ZNF804B: variants seen among roughly 807,000 people sequenced by gnomAD.
The protein encoded by ZNF804B is zinc finger protein 804B, also known as zinc finger 804B.
ZNF804B carries 80 observed loss-of-function variants against 101.4 expected under a neutral mutation model. The observed-to-expected ratio is 0.79, with a 90% CI of 0.66 to 0.95. The LOEUF is 0.95. ZNF804B is among the 40% of genes least tolerant of loss of function. The probability of loss-of-function intolerance (pLI) is 0.00; values close to 1 mark genes in which losing one functional copy is unlikely to be tolerated. For synonymous variants in ZNF804B, 622 were observed against 558.8 expected (o/e 1.11, Z -1.59); for missense variants, 1,673 against 1,561.9 (o/e 1.07, Z -1.20).
At chr7:88,766,793 C>A (rs575840863) in intron 1 of ZNF804B, among the ~76,000 whole-genome samples, 1 of 152,188 alleles carries the variant, frequency 6.6e-6, no homozygotes, top group South Asian at 2.1e-4. Context: ...ATTGAATGTC[C>A]AAATTAAGGA....
At chr7:88,918,512 T>G (rs561630614) in intron 1 of ZNF804B, among the ~76,000 whole-genome samples, 2 of 152,274 alleles carry the variant, frequency 1.3e-5, no homozygotes, top group East Asian at 3.9e-4. Context: ...TTTTAAACAT[T>G]TGTAGAAAAT....
intron 1 of ZNF804B, among the ~76,000 whole-genome samples, chr7:88,997,212 G>A (rs1305995477): frequency 6.6e-6 from 1 of 152,042 alleles, no homozygotes; most frequent in African/African-American, 2.4e-5. Context: ...CAGTCATTAA[G>A]TTAACATCTT....
At position 89,338,086 on chromosome 7, in the gene ZNF804B, A is replaced by C. The variant is rs1447190410; in HGVS notation, c.*1054A>C. ...TGCAAATAATTTCAAACATTCATTC[A>C]AAATGGTTTTTGGCCGCCAAAATTT... On this transcript the variant is annotated 3_prime_UTR_variant, in exon 4 of 4. Transcript: ENST00000333190. Among the ~76,000 whole-genome samples the C allele has an allele frequency of 1.3e-5, 2 of 152,134 alleles. No homozygotes were observed. The highest frequency in any genetic ancestry group is 2.4e-5 in the African/African-American group (1 of 41,466).
intron 1 of ZNF804B, among the ~76,000 whole-genome samples, chr7:88,874,798 A>G (rs34054603): frequency 0.24 from 36,818 of 151,318 alleles, 5,008 homozygotes; most frequent in East Asian, 0.43. Flanking sequence ...TCAGCTCTGC[A>G]CCAAGCGGAC....
chr7:89,282,252 G>T (rs1208874), intron 2 of ZNF804B, among the ~76,000 whole-genome samples: 36,421 of 149,828 alleles, frequency 0.24, 4,676 homozygotes, highest in Non-Finnish European at 0.27. Context: ...CACAAATCTG[G>T]TTACTGCTTT....
At chr7:88,922,837 AATG>A (rs1428624720) in intron 1 of ZNF804B, among the ~76,000 whole-genome samples, 1 of 152,030 alleles carries the variant, frequency 6.6e-6, no homozygotes, top group Non-Finnish European at 1.5e-5. Flanking sequence ...TTTTTAGTAT[AATG>A]ATTTCAATAT....
chr7:89,075,939 G>T (rs73391238), intron 1 of ZNF804B, among the ~76,000 whole-genome samples: 3,356 of 152,292 alleles, frequency 0.022, 150 homozygotes, highest in African/African-American at 0.076. Flanking sequence ...AGATTTGCAT[G>T]GGGCCTGTAG....
intron 1 of ZNF804B, among the ~76,000 whole-genome samples, chr7:89,184,418 C>G (rs1788343015): frequency 6.6e-6 from 1 of 152,080 alleles, no homozygotes; most frequent in Admixed American, 6.6e-5. Flanking sequence ...TCCCCTCAGC[C>G]TTCTCTTAGA....
intron 1 of ZNF804B, among the ~76,000 whole-genome samples, chr7:89,014,474 G>A (rs996082106): frequency 5.3e-5 from 8 of 151,994 alleles, no homozygotes; most frequent in African/African-American, 1.5e-4. Context: ...CCGCTGCGAC[G>A]CCTGGCTAAT....
chr7:89,314,589 G>A (rs1790692333), intron 2 of ZNF804B, among the ~76,000 whole-genome samples: 1 of 152,130 alleles, frequency 6.6e-6, no homozygotes, highest in Non-Finnish European at 1.5e-5. Context: ...CATATCAGGT[G>A]CTATGCAAAC....
intron 1 of ZNF804B, among the ~76,000 whole-genome samples, chr7:88,864,266 A>G (rs947602825): frequency 6.6e-5 from 10 of 152,204 alleles, no homozygotes; most frequent in African/African-American, 1.4e-4. Flanking sequence ...TAAGCATGCA[A>G]TCAAATTTTG....
intron 1 of ZNF804B, among the ~76,000 whole-genome samples, chr7:88,832,872 C>T (rs1009810582): frequency 2.0e-5 from 3 of 151,842 alleles, no homozygotes; most frequent in Non-Finnish European, 4.4e-5. Context: ...TAGGAACAGG[C>T]CTGATAGCCA....
intron 2 of ZNF804B, among the ~76,000 whole-genome samples, chr7:89,282,255 A>G (rs13223047): frequency 0.12 from 18,206 of 151,064 alleles, 1,191 homozygotes; most frequent in Middle Eastern, 0.25. Context: ...AAATCTGGTT[A>G]CTGCTTTTAA....
intron 1 of ZNF804B, among the ~76,000 whole-genome samples, chr7:89,040,395 T>G (rs944486707): frequency 1.3e-5 from 2 of 152,166 alleles, no homozygotes; most frequent in African/African-American, 4.8e-5. Context: ...TCTACTTGAC[T>G]GAGCTATCTG....
At chr7:89,009,242 A>G (rs1243468616) in intron 1 of ZNF804B, among the ~76,000 whole-genome samples, 3 of 151,930 alleles carry the variant, frequency 2.0e-5, no homozygotes, top group African/African-American at 7.3e-5. Context: ...TTCTTAATCT[A>G]TTTACTAAAA....
At chr7:89,286,628 C>T (rs748344198) in intron 2 of ZNF804B, among the ~76,000 whole-genome samples, 10 of 152,116 alleles carry the variant, frequency 6.6e-5, no homozygotes, top group African/African-American at 9.7e-5. Context: ...CAGAAGACAA[C>T]TTGCTGAAGA....
chr7:89,058,638 C>T (rs1314438760), intron 1 of ZNF804B, among the ~76,000 whole-genome samples: 1 of 152,126 alleles, frequency 6.6e-6, no homozygotes, highest in Non-Finnish European at 1.5e-5. Flanking sequence ...CAGGGTGACA[C>T]TTCCCACTGG....
At chr7:89,023,434 T>C (rs895538182) in intron 1 of ZNF804B, among the ~76,000 whole-genome samples, 5 of 152,198 alleles carry the variant, frequency 3.3e-5, no homozygotes, top group African/African-American at 1.2e-4. Flanking sequence ...ATACCACAAA[T>C]ACTTTGCTCT....
intron 2 of ZNF804B, among the ~76,000 whole-genome samples, chr7:89,251,599 C>T (rs1789541909): frequency 6.6e-6 from 1 of 151,996 alleles, no homozygotes; most frequent in Non-Finnish European, 1.5e-5. Flanking sequence ...AAAAACTATT[C>T]TAAAATTCAT....
Sources: allele counts gnomAD v4.1 joint callset (sites outside exome capture counted in the v4.1 genomes callset), GRCh38; gene constraint gnomAD v4.1.1; transcripts MANE v1.5; gene names NCBI Gene and HGNC (gene_info 2026-07-23, HGNC 2026-07-21).